KCNH8: variants seen among roughly 807,000 people sequenced by gnomAD.
The protein encoded by KCNH8 is voltage-gated delayed rectifier potassium channel KCNH8.
A neutral mutation model predicts 103.6 loss-of-function variants in KCNH8; 70 were observed. The observed-to-expected ratio is 0.68, with a 90% CI of 0.56 to 0.82. The LOEUF is 0.82. Ranked by LOEUF, KCNH8 falls within the 40% of genes least tolerant of loss-of-function variation. The pLI, the probability that KCNH8 is intolerant of heterozygous loss-of-function variation, is 0.00. For missense variants in KCNH8, 1,217 were observed against 1,329.9 expected (o/e 0.92, Z 1.32); for synonymous variants, 498 against 489.4 (o/e 1.02, Z -0.23).
At chr3:19,380,892 AAT>A (rs1385960922) in intron 5 of KCNH8, among the ~76,000 whole-genome samples, 1 of 152,236 alleles carries the variant, frequency 6.6e-6, no homozygotes, top group Non-Finnish European at 1.5e-5. Flanking sequence ...AAAACACAAA[AAT>A]ATGAGCAATT....
chr3:19,355,485 A>G (rs1314016360), intron 5 of KCNH8, among the ~76,000 whole-genome samples: 1 of 152,224 alleles, frequency 6.6e-6, no homozygotes, highest in Admixed American at 6.5e-5. Context: ...AACCAACCCA[A>G]ATGTCCATCA....
intron 7 of KCNH8, among the ~76,000 whole-genome samples, chr3:19,399,871 T>C (rs9826227): frequency 0.99 from 150,921 of 152,040 alleles, 74,911 homozygotes; most frequent in Middle Eastern, 1. Flanking sequence ...ATTAGCAGGA[T>C]GTGTAGACTC....
Position 19,534,130 on chromosome 3 carries a change from C to T in KCNH8, c.*31C>T, listed in dbSNP as rs773215291. On this transcript the variant is annotated 3_prime_UTR_variant, in exon 16 of 16. Transcript: ENST00000328405. Reference sequence around the variant, plus strand: ...GTGCCCATGATGCAGCAGCTAATTTCAAACCTACCACTGCATGACAGTTTT... The same window carrying T: ...GTGCCCATGATGCAGCAGCTAATTTTAAACCTACCACTGCATGACAGTTTT... The T allele has an allele frequency of 3.3e-6, 5 of 1,514,160 alleles. No individual in the cohort carries two copies. The highest frequency in any genetic ancestry group is 4.6e-6 in the Non-Finnish European group (5 of 1,097,984). The allele number at this position is 1,514,160 out of a possible 1,614,324, so 93.8% of individuals were successfully genotyped here. A position where few individuals can be genotyped will look rare whatever the true frequency, so the allele number is the denominator to read the frequency against.
intron 3 of KCNH8, among the ~76,000 whole-genome samples, chr3:19,290,245 C>A (rs1382896942): frequency 2.0e-5 from 3 of 152,146 alleles, no homozygotes; most frequent in Non-Finnish European, 4.4e-5. Context: ...ATTTCCTTCT[C>A]CTGCCTAATT....
chr3:19,461,950 G>T (rs1460137198), intron 11 of KCNH8, among the ~76,000 whole-genome samples: 1 of 152,048 alleles, frequency 6.6e-6, no homozygotes, highest in East Asian at 1.9e-4. Flanking sequence ...CTTCATCCAT[G>T]TCCCTACAAA....
At chr3:19,297,623 A>C (rs530749127) in intron 3 of KCNH8, among the ~76,000 whole-genome samples, 2 of 152,308 alleles carry the variant, frequency 1.3e-5, no homozygotes, top group African/African-American at 4.8e-5. Context: ...ACCTGAGTCT[A>C]CTGAAGGTAT....
chr3:19,446,091 A>G (rs549537867), intron 8 of KCNH8, among the ~76,000 whole-genome samples: 3 of 152,208 alleles, frequency 2.0e-5, no homozygotes, highest in South Asian at 4.1e-4. Context: ...ATAGTTTTCC[A>G]GAATTTCCAT....
intron 5 of KCNH8, among the ~76,000 whole-genome samples, chr3:19,369,159 T>C (rs901709224): frequency 1.3e-5 from 2 of 152,154 alleles, no homozygotes; most frequent in Middle Eastern, 3.4e-3. Context: ...GGTAACAGTA[T>C]TTTTATATTT....
chr3:19,438,743 A>G (rs1207246542), intron 8 of KCNH8, among the ~76,000 whole-genome samples: 2 of 152,206 alleles, frequency 1.3e-5, no homozygotes, highest in East Asian at 3.9e-4. Flanking sequence ...TACTCTGGAC[A>G]GTGGCTTAGA....
At chr3:19,476,203 G>A (rs1204991163) in intron 11 of KCNH8, among the ~76,000 whole-genome samples, 1 of 152,080 alleles carries the variant, frequency 6.6e-6, no homozygotes, top group Non-Finnish European at 1.5e-5. Context: ...CTTAACCGAG[G>A]CAATATATTT....
intron 14 of KCNH8, 47 bp downstream of exon 14, chr3:19,515,475 A>C: frequency 1.0e-6 from 1 of 986,220 alleles, no homozygotes; most frequent in South Asian, 2.1e-5. Flanking sequence ...ATTTCTTATT[A>C]ACTTGTAATG....
intron 5 of KCNH8, among the ~76,000 whole-genome samples, chr3:19,350,717 C>T (rs979068497): frequency 2.0e-5 from 3 of 152,042 alleles, no homozygotes; most frequent in African/African-American, 7.2e-5. Context: ...ACACCAAAAC[C>T]CCATCTGTAC....
intron 2 of KCNH8, among the ~76,000 whole-genome samples, chr3:19,261,508 T>C (rs1338616216): frequency 6.6e-6 from 1 of 151,896 alleles, no homozygotes; most frequent in Admixed American, 6.6e-5. Context: ...TCATCTTCGA[T>C]GTGTGGTTTG....
chr3:19,282,082 C>T (rs1343646217), intron 3 of KCNH8, among the ~76,000 whole-genome samples: 1 of 152,072 alleles, frequency 6.6e-6, no homozygotes, highest in East Asian at 1.9e-4. Context: ...TTTTTAGAAT[C>T]AGCTACTTGA....
rs558367817 is a variant in KCNH8, at chr3:19,402,363, A to G, written c.1177+7052A>G. Among the ~76,000 whole-genome samples the G allele has an allele frequency of 9.2e-5, 14 of 152,024 alleles. No individual in the cohort carries two copies. In the South Asian group the frequency reaches 2.7e-3, roughly 29 times the overall value. On this transcript the variant is annotated intron_variant, in intron 7 of 15. Transcript: ENST00000328405. The stretch of plus-strand genomic sequence containing the variant: ...ATCTTTTAAAAATATAGGACATCAC[A>G]TGTATCATCCTACAGTAAATCTACA...
intron 11 of KCNH8, among the ~76,000 whole-genome samples, chr3:19,474,299 T>C (rs1174501646): frequency 7.9e-5 from 12 of 152,054 alleles, no homozygotes; most frequent in East Asian, 3.9e-4. Flanking sequence ...GGATGACATA[T>C]GGTGGAGGCA....
intron 1 of KCNH8, among the ~76,000 whole-genome samples, chr3:19,169,110 C>T (rs2063312922): frequency 6.6e-6 from 1 of 152,098 alleles, no homozygotes; most frequent in Non-Finnish European, 1.5e-5. Flanking sequence ...CCCAGTGACT[C>T]AATTGCCTGC....
chr3:19,313,751 G>C (rs938997579), intron 3 of KCNH8, among the ~76,000 whole-genome samples: 1 of 150,770 alleles, frequency 6.6e-6, no homozygotes, highest in African/African-American at 2.4e-5. Flanking sequence ...CACTTTCTAA[G>C]AAGTGTCATG....
intron 3 of KCNH8, among the ~76,000 whole-genome samples, chr3:19,310,487 G>T (rs2065194004): frequency 6.6e-6 from 1 of 151,740 alleles, no homozygotes; most frequent in South Asian, 2.1e-4. Flanking sequence ...TTTTCTTTTT[G>T]TGTTATTTAT....
Sources: allele counts gnomAD v4.1 joint callset (sites outside exome capture counted in the v4.1 genomes callset), GRCh38; gene constraint gnomAD v4.1.1; transcripts MANE v1.5; gene names NCBI Gene and HGNC (gene_info 2026-07-23, HGNC 2026-07-21).